The following PRDM11 variants were observed in gnomAD, a reference collection of about 807,000 sequenced individuals.
PRDM11 encodes the protein PR domain-containing protein 11.
A neutral mutation model predicts 97.8 loss-of-function variants in PRDM11; 20 were observed. That is an observed-to-expected ratio of 0.20 (90% CI 0.14 to 0.30). PRDM11 has a LOEUF of 0.30. Among genes scored for constraint, PRDM11 ranks in the 10% least tolerant of loss-of-function variants. The pLI is 1.00. For synonymous variants in PRDM11, 599 were observed against 637.7 expected (o/e 0.94, Z 0.91); for missense variants, 1,139 against 1,555.2 (o/e 0.73, Z 4.50).
At position 45,153,696 on chromosome 11, in the gene PRDM11, G is replaced by A. The variant is rs188899574; in HGVS notation, c.-7+6819G>A. Among the ~76,000 whole-genome samples, 18 of 152,348 alleles carry A rather than the reference G, an allele frequency of 1.2e-4. No homozygotes were observed. In the East Asian group the frequency reaches 1.7e-3, roughly 15 times the overall value. On this transcript the variant is annotated intron_variant, in intron 1 of 7. Coordinates refer to ENST00000683152, the MANE Select transcript of PRDM11 (RefSeq NM_001384648.1). ...TGTTCAAGGCCAAATATTTAACTGCGCCTCAGTTTCCTTTCTGTAAATGGA... is the reference window on the plus strand; with the variant it reads ...TGTTCAAGGCCAAATATTTAACTGCACCTCAGTTTCCTTTCTGTAAATGGA...
At chr11:45,132,495 T>C (rs1207525354) in intron 1 of PRDM11, among the ~76,000 whole-genome samples, 2 of 152,238 alleles carry the variant, frequency 1.3e-5, no homozygotes, top group Admixed American at 1.3e-4. Context: ...AAATGTTATT[T>C]TTAAAACAAT....
intron 1 of PRDM11, among the ~76,000 whole-genome samples, chr11:45,180,416 G>A (rs1480884533): frequency 6.6e-6 from 1 of 152,080 alleles, no homozygotes; most frequent in Non-Finnish European, 1.5e-5. Context: ...GGGGACACCC[G>A]CCCGGCCTCC....
rs1468401838 is a variant in PRDM11 at position 45,231,433 on chromosome 11, ATGT to A, written c.*3279_*3281del. 1.3e-5 allele frequency: 2 copies of A among 152,124 alleles called. No homozygotes were observed. Among genetic ancestry groups the A allele is most frequent in the Non-Finnish European group, 2.9e-5 (2 of 68,060 alleles). 9.4% of individuals were successfully genotyped at this position (152,124 alleles called of 1,614,324 possible). A position where few individuals can be genotyped will look rare whatever the true frequency, so the allele number is the denominator to read the frequency against. ...TGGAAAAGCAGTTGGTGGATCCCAA[ATGT>A]TGTTACTTCAGACAAGACAGAGCCC... On this transcript the variant is annotated 3_prime_UTR_variant, in exon 8 of 8. Coordinates refer to ENST00000683152, the MANE Select transcript of PRDM11 (RefSeq NM_001384648.1).
chr11:45,218,522 A>G (rs1421270263), intron 5 of PRDM11, among the ~76,000 whole-genome samples: 2 of 152,242 alleles, frequency 1.3e-5, no homozygotes, highest in Admixed American at 6.5e-5. Context: ...CACCAATCAG[A>G]CAGACTTTGA....
At position 45,228,240 on chromosome 11, in the gene PRDM11, ATATATTATAT is replaced by A. The variant is rs72446887; in HGVS notation, c.*102_*111del. 1.5e-4 allele frequency: 35 copies of A among 227,140 alleles called. No homozygotes were observed. The highest frequency in any genetic ancestry group is 6.8e-4 in the East Asian group (7 of 10,360). The allele number at this position is 227,140 out of a possible 1,614,324, so 14.1% of individuals were successfully genotyped here. ...ATAAGCTTTGATATATTATATAAATATATATTATATTATATTATATTATATTATATATATA... is the reference window on the plus strand; with the variant it reads ...ATAAGCTTTGATATATTATATAAATATATATTATATTATATTATATATATA... On this transcript the variant is annotated 3_prime_UTR_variant, in exon 8 of 8. Transcript: ENST00000683152.
At chr11:45,187,329 G>T (rs1482881258) in intron 4 of PRDM11, among the ~76,000 whole-genome samples, 6 of 152,166 alleles carry the variant, frequency 3.9e-5, no homozygotes, top group African/African-American at 1.2e-4. Flanking sequence ...TTGGAAAATT[G>T]CAGGAGAAAA....
intron 4 of PRDM11, among the ~76,000 whole-genome samples, chr11:45,185,348 T>A (rs1852666183): frequency 6.6e-6 from 1 of 152,198 alleles, no homozygotes; most frequent in South Asian, 2.1e-4. Context: ...TAGTCCCTCA[T>A]AACAAAGAGT....
chr11:45,221,224 C>A, intron 6 of PRDM11, among the ~76,000 whole-genome samples: 1 of 152,178 alleles, frequency 6.6e-6, no homozygotes, highest in East Asian at 1.9e-4. Flanking sequence ...TAAACATACT[C>A]ATTTCTTGTC....
chr11:45,129,061 A>G (rs545166819), intron 1 of PRDM11, among the ~76,000 whole-genome samples: 2 of 152,368 alleles, frequency 1.3e-5, no homozygotes, highest in South Asian at 2.1e-4. Flanking sequence ...GAGAAAAAGC[A>G]TATAATCATC....
At chr11:45,141,695 G>C (rs1472737991), upstream of PRDM11, among the ~76,000 whole-genome samples, 1 of 152,152 alleles carries the variant, frequency 6.6e-6, no homozygotes, top group Non-Finnish European at 1.5e-5. Context: ...CTAGGCCAAA[G>C]CTCTGTTGGA....
intron 1 of PRDM11, among the ~76,000 whole-genome samples, chr11:45,151,190 C>G (rs928054243): frequency 6.6e-6 from 1 of 152,168 alleles, no homozygotes; most frequent in Non-Finnish European, 1.5e-5. Flanking sequence ...CAGGGCTGGT[C>G]TAAAACTGCC....
chr11:45,095,241 C>G (rs558114416), upstream of PRDM11, among the ~76,000 whole-genome samples: 1 of 152,182 alleles, frequency 6.6e-6, no homozygotes, highest in African/African-American at 2.4e-5. Flanking sequence ...CCTTCTAAGC[C>G]GTGGGGACAG....
At chr11:45,103,796 A>T (rs566558938) in intron 1 of PRDM11, among the ~76,000 whole-genome samples, 18 of 148,684 alleles carry the variant, frequency 1.2e-4, no homozygotes, top group South Asian at 4.2e-4. Flanking sequence ...TATATATATA[A>T]AAATTATACC....
chr11:45,142,679 G>A (rs1314620156), upstream of PRDM11, among the ~76,000 whole-genome samples: 1 of 152,146 alleles, frequency 6.6e-6, no homozygotes, highest in Non-Finnish European at 1.5e-5. Flanking sequence ...CTGACCCAAG[G>A]CATTTTGATC....
At position 45,228,636 on chromosome 11, in the gene PRDM11, C is replaced by G. The variant is rs943434726; in HGVS notation, c.*477C>G. The G allele has an allele frequency of 5.3e-5, 8 of 152,120 alleles. No individual in the cohort carries two copies. Among genetic ancestry groups the G allele is most frequent in the Non-Finnish European group, 1.0e-4 (7 of 68,016 alleles). 9.4% of individuals were successfully genotyped at this position (152,120 alleles called of 1,614,324 possible). A position where few individuals can be genotyped will look rare whatever the true frequency, so the allele number is the denominator to read the frequency against. On this transcript the variant is annotated 3_prime_UTR_variant, in exon 8 of 8. Coordinates refer to ENST00000683152, the MANE Select transcript of PRDM11 (RefSeq NM_001384648.1). ...TGATGGGAGGGAGCTCCTCAGCCTC[C>G]TCATTGACATTCTGGTCCGGCTGAA...
chr11:45,218,670 C>G (rs551220774), intron 5 of PRDM11, among the ~76,000 whole-genome samples: 1 of 152,384 alleles, frequency 6.6e-6, no homozygotes, highest in East Asian at 1.9e-4. Context: ...TACACCTTCA[C>G]TCCTCGGCAG....
chr11:45,131,121 G>A (rs988975431), intron 1 of PRDM11, among the ~76,000 whole-genome samples: 5 of 152,214 alleles, frequency 3.3e-5, no homozygotes, highest in Admixed American at 2.6e-4. Context: ...CAGATACAAT[G>A]ATGAGCACAA....
intron 1 of PRDM11, among the ~76,000 whole-genome samples, chr11:45,100,622 G>A (rs781040714): frequency 1.3e-5 from 2 of 152,176 alleles, no homozygotes; most frequent in African/African-American, 4.8e-5. Context: ...CCATAGGTCC[G>A]TGGTATGTTG....
chr11:45,174,351 C>T (rs1391566739), intron 1 of PRDM11, among the ~76,000 whole-genome samples: 1 of 152,182 alleles, frequency 6.6e-6, no homozygotes, highest in East Asian at 1.9e-4. Context: ...CGGCCGCTAA[C>T]CAGTGTATTA....
Sources: gnomAD v4.1 joint callset for allele counts (sites outside exome capture counted in the v4.1 genomes callset) on GRCh38, gnomAD v4.1.1 for gene constraint, MANE v1.5 for transcripts, NCBI Gene and HGNC (gene_info 2026-07-23, HGNC 2026-07-21) for gene names.